The following PSMD14 variants were observed in gnomAD, a reference collection of about 807,000 sequenced individuals.
PSMD14 encodes proteasome 26S subunit, non-ATPase 14, also known as ubiquitin C-terminal hydrolase PSMD14.
PSMD14 carries 7 observed loss-of-function variants against 41.2 expected under a neutral mutation model. The observed-to-expected ratio is 0.17, with a 90% CI of 0.10 to 0.32. PSMD14 has a LOEUF of 0.32. Ranked by LOEUF, PSMD14 falls within the 10% of genes least tolerant of loss-of-function variation. The pLI, the probability that PSMD14 is intolerant of heterozygous loss-of-function variation, is 1.00. For missense variants in PSMD14, 139 were observed against 375.6 expected, an observed-to-expected ratio of 0.37 and a Z score of 5.21; for synonymous variants, 114 against 122.3, an observed-to-expected ratio of 0.93 and a Z score of 0.45.
At chr2:161,407,344 C>T (rs1002076092) in intron 10 of PSMD14, among the ~76,000 whole-genome samples, 1 of 152,050 alleles carries the variant, frequency 6.6e-6, no homozygotes, top group African/African-American at 2.4e-5. Context: ...TATTCTCTGT[C>T]TAGATTTGGC....
In PSMD14 at chr2:161,379,928, G is replaced by C. The variant is rs1156562244; in HGVS notation, c.463-5536G>C. ...ACTGCTGTGTTCAGTTGTTGGCAGG[G>C]AGCTGCCCAGGAGAAGTATGACCTG... On this transcript the variant is annotated intron_variant, in intron 7 of 11. Transcript: ENST00000409682. 2.0e-5 allele frequency among the ~76,000 whole-genome samples: 3 copies of C among 152,024 alleles called. No individual in the cohort carries two copies. The East Asian group carries it at 5.8e-4, about 30-fold the overall frequency.
chr2:161,389,889 G>GTTGTTTTTTTTTTTTGTTTTTTTTTTTT, intron 8 of PSMD14, among the ~76,000 whole-genome samples: 1 of 20,042 alleles, frequency 5.0e-5, no homozygotes, highest in Non-Finnish European at 1.0e-4. Flanking sequence ...CTTTTTTGTT[G>GTTGTTTTTTTTTTTTGTTTTTTTTTTTT]TTTTTTTTTT....
chr2:161,374,186 T>C (rs924477621), intron 7 of PSMD14, among the ~76,000 whole-genome samples: 1 of 151,962 alleles, frequency 6.6e-6, no homozygotes, highest in South Asian at 2.1e-4. Flanking sequence ...CCAGAGGTCA[T>C]TGTGAGGCCA....
chr2:161,341,377 C>T (rs998564976), intron 3 of PSMD14: 39 of 893,810 alleles, frequency 4.4e-5, no homozygotes, highest in Non-Finnish European at 5.1e-5. Flanking sequence ...GGGATCCCGC[C>T]GCGCCCCGTC....
At chr2:161,342,535 TACCTATTTGG>T (rs1359865785) in intron 3 of PSMD14, among the ~76,000 whole-genome samples, 10 of 152,160 alleles carry the variant, frequency 6.6e-5, no homozygotes, top group African/African-American at 2.2e-4. Context: ...TTTTACTGTC[TACCTATTTGG>T]ATCTTTATTT....
intron 3 of PSMD14, among the ~76,000 whole-genome samples, chr2:161,363,203 A>T (rs757272268): frequency 2.6e-5 from 4 of 152,206 alleles, no homozygotes; most frequent in Non-Finnish European, 4.4e-5. Context: ...ATCTGAGGTG[A>T]AACAGTTTCA....
intron 10 of PSMD14, among the ~76,000 whole-genome samples, chr2:161,396,757 A>G (rs1311826821): frequency 6.6e-6 from 1 of 152,136 alleles, no homozygotes; most frequent in Admixed American, 6.5e-5. Context: ...TAAGTTTTAA[A>G]AAGTTTCTGA....
At chr2:161,394,272 T>G (rs1234342250) in intron 9 of PSMD14, among the ~76,000 whole-genome samples, 1 of 152,088 alleles carries the variant, frequency 6.6e-6, no homozygotes, top group Non-Finnish European at 1.5e-5. Flanking sequence ...GTGCCCGGCC[T>G]AGATAAATCT....
intron 3 of PSMD14, among the ~76,000 whole-genome samples, chr2:161,355,086 A>G (rs1683177756): frequency 6.6e-6 from 1 of 152,230 alleles, no homozygotes; most frequent in Non-Finnish European, 1.5e-5. Context: ...GTATAGGAAT[A>G]TAGTATAATT....
chr2:161,395,261 G>A, intron 10 of PSMD14, 58 bp downstream of exon 10: 3 of 1,355,986 alleles, frequency 2.2e-6, no homozygotes, highest in Non-Finnish European at 3.0e-6. Flanking sequence ...ATGATTAGAT[G>A]CCAAGCATTG....
chr2:161,355,909 CT>C lies in PSMD14; in HGVS notation c.49-11565del, dbSNP rs1206082069. On this transcript the variant is annotated intron_variant, in intron 3 of 11. Transcript: ENST00000409682. ...TTCTAAACACTATCTCCTCTATCTT[CT>C]TTTCAGTGTTAAAATAGGCAAATAC... Among the ~76,000 whole-genome samples, 6 of 152,278 alleles carry C rather than the reference CT, an allele frequency of 3.9e-5. No homozygotes were observed. The East Asian group carries it at 1.2e-3, about 29-fold the overall frequency.
chr2:161,346,001 C>T (rs1366226437), intron 3 of PSMD14, among the ~76,000 whole-genome samples: 1 of 152,140 alleles, frequency 6.6e-6, no homozygotes, highest in East Asian at 1.9e-4. Context: ...AGGCGATCCT[C>T]CCACCTCAGT....
intron 5 of PSMD14, 29 bp from the exon 6 acceptor site, chr2:161,370,078 T>C (rs1453863390): frequency 1.3e-6 from 2 of 1,490,564 alleles, no homozygotes; most frequent in Admixed American, 2.4e-5. Flanking sequence ...TTTACAAAAA[T>C]TAATAATTTT....
At chr2:161,322,340 T>C (rs1178458495) in intron 3 of PSMD14, among the ~76,000 whole-genome samples, 1 of 152,168 alleles carries the variant, frequency 6.6e-6, no homozygotes, top group East Asian at 1.9e-4. Context: ...AACCCAGTAG[T>C]AGTAAAAAGG....
chr2:161,327,820 G>T (rs536854315), intron 3 of PSMD14, among the ~76,000 whole-genome samples: 13 of 151,970 alleles, frequency 8.6e-5, no homozygotes, highest in African/African-American at 3.1e-4. Flanking sequence ...GTTATGAAAA[G>T]ATAGTCAGTG....
chr2:161,393,971 A>T (rs1428306435), intron 9 of PSMD14, among the ~76,000 whole-genome samples: 4 of 100,908 alleles, frequency 4.0e-5, no homozygotes, highest in Admixed American at 1.4e-4. Context: ...ACACTAGATA[A>T]TTTTTTTTTT....
intron 3 of PSMD14, among the ~76,000 whole-genome samples, chr2:161,325,365 C>A (rs1401781584): frequency 6.6e-6 from 1 of 152,078 alleles, no homozygotes; most frequent in African/African-American, 2.4e-5. Flanking sequence ...ACTCCCAAAT[C>A]CTCACAGTGT....
intron 3 of PSMD14, among the ~76,000 whole-genome samples, chr2:161,359,635 T>C (rs1416507098): frequency 1.3e-5 from 2 of 152,170 alleles, no homozygotes; most frequent in African/African-American, 2.4e-5. Flanking sequence ...GACACTGAAG[T>C]GTTCTCTGTT....
intron 3 of PSMD14, among the ~76,000 whole-genome samples, chr2:161,324,462 T>TA (rs775543380): frequency 1.3e-4 from 20 of 152,248 alleles, no homozygotes; most frequent in Non-Finnish European, 2.4e-4. Flanking sequence ...AGTTTTGAAA[T>TA]ATGTGTCAAG....
Sources: gnomAD v4.1 joint callset for allele counts (sites outside exome capture counted in the v4.1 genomes callset) on GRCh38, gnomAD v4.1.1 for gene constraint, MANE v1.5 for transcripts, NCBI Gene and HGNC (gene_info 2026-07-23, HGNC 2026-07-21) for gene names.